The following GALNT17 variants were observed in gnomAD, a reference collection of about 807,000 sequenced individuals.
The protein encoded by GALNT17 is polypeptide N-acetylgalactosaminyltransferase 17, also known as UDP-GalNAc:polypeptide N-acetylgalactosaminyltransferase-like 3.
Under a neutral mutation model 63.7 loss-of-function variants are expected in GALNT17, and 29 were observed. The ratio of observed to expected loss-of-function variants is 0.46; its 90% CI spans 0.34 to 0.62. GALNT17 has a LOEUF of 0.62. Ranked by LOEUF, GALNT17 falls within the 20% of genes least tolerant of loss-of-function variation. The pLI is 0.01. For missense variants in GALNT17, 603 were observed against 799.6 expected (o/e 0.75, Z 2.97); for synonymous variants, 305 against 318.3 (o/e 0.96, Z 0.45).
At chr7:71,216,397 C>T (rs1339500327) in intron 1 of GALNT17, among the ~76,000 whole-genome samples, 1 of 152,082 alleles carries the variant, frequency 6.6e-6, no homozygotes, top group East Asian at 1.9e-4. Flanking sequence ...TCTGGGGGAA[C>T]GCCAGAAGCC....
At chr7:71,401,222 G>T (rs549437355) in intron 3 of GALNT17, among the ~76,000 whole-genome samples, 1 of 150,922 alleles carries the variant, frequency 6.6e-6, no homozygotes, top group Non-Finnish European at 1.5e-5. Context: ...TCAGCCTCCC[G>T]AGTAGCTGCA....
intron 1 of GALNT17, among the ~76,000 whole-genome samples, chr7:71,317,052 C>T (rs1791513531): frequency 6.6e-6 from 1 of 152,188 alleles, no homozygotes; most frequent in African/African-American, 2.4e-5. Context: ...GTCTTGTTCA[C>T]CTGCACACAC....
intron 6 of GALNT17, among the ~76,000 whole-genome samples, chr7:71,571,771 T>C (rs929762426): frequency 2.6e-5 from 4 of 152,142 alleles, no homozygotes; most frequent in Non-Finnish European, 5.9e-5. Flanking sequence ...CCCAACACTT[T>C]GGGAGGCCAC....
intron 5 of GALNT17, among the ~76,000 whole-genome samples, chr7:71,442,368 T>A (rs762591049): frequency 1.3e-5 from 2 of 152,026 alleles, no homozygotes; most frequent in Non-Finnish European, 2.9e-5. Flanking sequence ...GGCTAATTTT[T>A]TTGTATTTTT....
At chr7:71,156,062 G>A (rs1459662957) in intron 1 of GALNT17, among the ~76,000 whole-genome samples, 8 of 151,792 alleles carry the variant, frequency 5.3e-5, no homozygotes, top group Non-Finnish European at 1.2e-4. Flanking sequence ...CAGGCGTGGT[G>A]GTGTATGCCT....
intron 1 of GALNT17, among the ~76,000 whole-genome samples, chr7:71,140,353 C>T (rs1172974500): frequency 6.6e-6 from 1 of 152,202 alleles, no homozygotes; most frequent in East Asian, 1.9e-4. Flanking sequence ...CTCCCTTTAC[C>T]TCCAAGGACT....
intron 3 of GALNT17, among the ~76,000 whole-genome samples, chr7:71,395,429 G>C (rs932205152): frequency 2.6e-5 from 4 of 151,970 alleles, no homozygotes; most frequent in Non-Finnish European, 5.9e-5. Context: ...TTCTTTTTAT[G>C]ACTGAATAAT....
intron 1 of GALNT17, among the ~76,000 whole-genome samples, chr7:71,134,819 GTTTC>G (rs1562849892): frequency 1.8e-5 from 2 of 113,828 alleles, no homozygotes; most frequent in African/African-American, 6.3e-5. Context: ...TTTAGTATCA[GTTTC>G]TTTGTTTTAT....
intron 7 of GALNT17, among the ~76,000 whole-genome samples, chr7:71,667,949 G>A (rs547733597): frequency 2.6e-4 from 40 of 152,024 alleles, no homozygotes; most frequent in Non-Finnish European, 2.5e-4. Flanking sequence ...ACAGGCTTGC[G>A]CCCTCTACCT....
At chr7:71,239,730 G>A (rs1789960064) in intron 1 of GALNT17, among the ~76,000 whole-genome samples, 4 of 152,110 alleles carry the variant, frequency 2.6e-5, no homozygotes, top group Admixed American at 2.0e-4. Context: ...CCCAAAGTAG[G>A]GACACAGACA....
chr7:71,362,209 C>T (rs1004347155), intron 2 of GALNT17, among the ~76,000 whole-genome samples: 2 of 152,182 alleles, frequency 1.3e-5, no homozygotes, highest in Admixed American at 6.5e-5. Flanking sequence ...CCACTTGCCT[C>T]GGCCTCCCAA....
At position 71,223,293 on chromosome 7, in the gene GALNT17, T is replaced by G. The variant is rs201011943; in HGVS notation, c.238+90253T>G. Among the ~76,000 whole-genome samples the G allele has an allele frequency of 1.5e-4, 23 of 152,346 alleles. No individual in the cohort carries two copies. In the East Asian group the frequency reaches 3.9e-3, roughly 26 times the overall value. ...AGCTCTCTCATTCCTCCCACATTTATTAATTGAAATTCTTCTGTAAGGAAG... is the reference window on the plus strand; with the variant it reads ...AGCTCTCTCATTCCTCCCACATTTAGTAATTGAAATTCTTCTGTAAGGAAG... On this transcript the variant is annotated intron_variant, in intron 1 of 10. Transcript: ENST00000333538.
rs1038725875 is a variant in GALNT17, at chr7:71,396,419, A to G, written c.589+8018A>G. Reference sequence around the variant, plus strand: ...GTTATGTCACCCTTGTCTAAAATCAACTTACTGTAAATATGAGGAGTTATT... The same window carrying G: ...GTTATGTCACCCTTGTCTAAAATCAGCTTACTGTAAATATGAGGAGTTATT... On this transcript the variant is annotated intron_variant, in intron 3 of 10. Transcript: ENST00000333538. Among the ~76,000 whole-genome samples, 11 of 152,142 alleles carry G rather than the reference A, an allele frequency of 7.2e-5. No individual in the cohort carries two copies. In the South Asian group the frequency reaches 8.3e-4, roughly 11 times the overall value.
intron 1 of GALNT17, among the ~76,000 whole-genome samples, chr7:71,153,900 T>G (rs1311717347): frequency 6.6e-6 from 1 of 151,418 alleles, no homozygotes; most frequent in East Asian, 1.9e-4. Context: ...AAAGGGAGAC[T>G]CTGTCTCAAA....
chr7:71,634,816 G>T (rs967213866), intron 6 of GALNT17, among the ~76,000 whole-genome samples: 6 of 151,868 alleles, frequency 4.0e-5, no homozygotes, highest in African/African-American at 7.3e-5. Context: ...GTCCAGAAAG[G>T]CTGGACAACT....
intron 1 of GALNT17, among the ~76,000 whole-genome samples, chr7:71,289,916 G>A (rs886118519): frequency 6.0e-5 from 9 of 149,482 alleles, no homozygotes; most frequent in South Asian, 2.1e-4. Flanking sequence ...GTGGTGGCAC[G>A]CACCTGTAGT....
At chr7:71,611,872 T>G (rs558473914) in intron 6 of GALNT17, among the ~76,000 whole-genome samples, 1 of 151,596 alleles carries the variant, frequency 6.6e-6, no homozygotes, top group South Asian at 2.1e-4. Flanking sequence ...AGAAAGTGAG[T>G]ATTGGGAGTG....
chr7:71,304,948 TTGGCCA>T (rs542183113), intron 1 of GALNT17, among the ~76,000 whole-genome samples: 132 of 152,272 alleles, frequency 8.7e-4, no homozygotes, highest in African/African-American at 3.0e-3. Context: ...TTTCACCATG[TTGGCCA>T]TGGCTGGCCT....
chr7:71,471,082 TG>T (rs1224365772), intron 5 of GALNT17, among the ~76,000 whole-genome samples: 5 of 152,076 alleles, frequency 3.3e-5, no homozygotes, highest in Non-Finnish European at 7.4e-5. Context: ...TTTCTGTTTT[TG>T]TTTTTTTTCT....
Sources: allele counts gnomAD v4.1 joint callset (sites outside exome capture counted in the v4.1 genomes callset), GRCh38; gene constraint gnomAD v4.1.1; transcripts MANE v1.5; gene names NCBI Gene and HGNC (gene_info 2026-07-23, HGNC 2026-07-21).